PDS5B: variants seen among roughly 807,000 people sequenced by gnomAD.
PDS5B encodes the protein sister chromatid cohesion protein PDS5 homolog B.
In PDS5B, 51 loss-of-function variants were observed where a neutral mutation model predicts 184.1. The ratio of observed to expected loss-of-function variants is 0.28; its 90% CI spans 0.22 to 0.35. PDS5B has a LOEUF of 0.35. PDS5B is among the 10% of genes least tolerant of loss of function. The pLI is 1.00. For missense variants in PDS5B, 1,180 were observed against 1,723.3 expected (o/e 0.68, Z 5.58); for synonymous variants, 566 against 569.2 (o/e 0.99, Z 0.08).
At chr13:32,704,720 G>A (rs541105333) in intron 17 of PDS5B, among the ~76,000 whole-genome samples, 15 of 152,196 alleles carry the variant, frequency 9.9e-5, no homozygotes, top group African/African-American at 3.1e-4. Flanking sequence ...CCCTCCTTCC[G>A]TAAAATTTAT....
chr13:32,622,946 G>C (rs945962873), intron 1 of PDS5B, among the ~76,000 whole-genome samples: 4 of 152,204 alleles, frequency 2.6e-5, no homozygotes, highest in East Asian at 3.8e-4. Flanking sequence ...AGGGGAATGG[G>C]AGATAGTTCT....
chr13:32,775,094 A>C lies in PDS5B; in HGVS notation c.*42A>C. ...ACTTTCTCTGTGAAAGCTTTGGAAA[A>C]ATCTTTTTTTTTTTTTTTGGTCAAG... On this transcript the variant is annotated 3_prime_UTR_variant, in exon 35 of 35. Transcript: ENST00000315596. 3.3e-6 allele frequency: 2 copies of C among 597,310 alleles called. No individual in the cohort carries two copies. The highest frequency in any genetic ancestry group is 4.7e-6 in the Non-Finnish European group (2 of 424,756). The allele number at this position is 597,310 out of a possible 1,614,324, so 37.0% of individuals were successfully genotyped here.
At chr13:32,671,000 A>T (rs1368078784) in intron 7 of PDS5B, among the ~76,000 whole-genome samples, 1 of 152,248 alleles carries the variant, frequency 6.6e-6, no homozygotes, top group Non-Finnish European at 1.5e-5. Flanking sequence ...GTAATTAGCT[A>T]CGCTTTTGTA....
chr13:32,634,594 T>TG (rs2058509744), intron 1 of PDS5B, among the ~76,000 whole-genome samples: 1 of 151,802 alleles, frequency 6.6e-6, no homozygotes, highest in Non-Finnish European at 1.5e-5. Flanking sequence ...TTTTTTTTTT[T>TG]TTTTTTGAGA....
At chr13:32,766,543 A>G (rs927279537) in intron 31 of PDS5B, among the ~76,000 whole-genome samples, 1 of 152,180 alleles carries the variant, frequency 6.6e-6, no homozygotes, top group African/African-American at 2.4e-5. Context: ...AGAGATGAGT[A>G]TTATGAGACA....
intron 1 of PDS5B, among the ~76,000 whole-genome samples, chr13:32,621,466 C>CA (rs1485182078): frequency 4.0e-5 from 6 of 151,004 alleles, no homozygotes; most frequent in Admixed American, 6.6e-5. Flanking sequence ...GACCCTGTCT[C>CA]AAAAAAAAGA....
Position 32,766,333 on chromosome 13 carries a change from T to G in PDS5B, c.3624+1739T>G, listed in dbSNP as rs1954586959. Among the ~76,000 whole-genome samples, 3 of 152,334 alleles carry G rather than the reference T, an allele frequency of 2.0e-5. 1 individual carries two copies. In the Middle Eastern group the frequency reaches 0.01, roughly 518 times the overall value. ...TAAATTTTGCATCTGCTTTTACCTT[T>G]TGGGATAGTACAGAACAAAGTCTAC... On this transcript the variant is annotated intron_variant, in intron 31 of 34. Transcript: ENST00000315596.
At chr13:32,722,572 CT>C (rs1952755930) in intron 19 of PDS5B, among the ~76,000 whole-genome samples, 1 of 149,654 alleles carries the variant, frequency 6.7e-6, no homozygotes, top group African/African-American at 2.6e-5. Flanking sequence ...TAAGTTTACT[CT>C]ATGATGTTCT....
intron 19 of PDS5B, among the ~76,000 whole-genome samples, chr13:32,731,400 C>T (rs962603357): frequency 6.6e-6 from 1 of 152,218 alleles, no homozygotes; most frequent in South Asian, 2.1e-4. Context: ...TTACTCAGTA[C>T]CTCCCTCAGA....
At chr13:32,600,012 A>T (rs1018612029) in intron 1 of PDS5B, among the ~76,000 whole-genome samples, 2 of 152,088 alleles carry the variant, frequency 1.3e-5, no homozygotes, top group African/African-American at 2.4e-5. Context: ...GTCCATGAGT[A>T]TGTATTAATT....
intron 21 of PDS5B, among the ~76,000 whole-genome samples, 186 bp downstream of exon 21, chr13:32,735,516 G>A (rs1234409385): frequency 6.6e-6 from 1 of 152,058 alleles, no homozygotes; most frequent in South Asian, 2.1e-4. Context: ...CATCTTTTTA[G>A]TTGAGAATAG....
At chr13:32,642,688 ACTTC>A (rs1232477184) in intron 1 of PDS5B, among the ~76,000 whole-genome samples, 1 of 151,774 alleles carries the variant, frequency 6.6e-6, no homozygotes, top group Non-Finnish European at 1.5e-5. Context: ...AGCTCCCTTT[ACTTC>A]CTTCCACCTT....
intron 19 of PDS5B, among the ~76,000 whole-genome samples, chr13:32,716,062 A>C: frequency 6.6e-6 from 1 of 151,460 alleles, no homozygotes; most frequent in Non-Finnish European, 1.5e-5. Context: ...CGAGAGTTGC[A>C]GCCTCTGCCC....
chr13:32,655,778 C>T (rs1174252217), intron 3 of PDS5B, among the ~76,000 whole-genome samples: 1 of 152,116 alleles, frequency 6.6e-6, no homozygotes, highest in Non-Finnish European at 1.5e-5. Context: ...TTCTCCCATT[C>T]TGTAGGTTGT....
At chr13:32,748,465 T>C (rs888015528) in intron 24 of PDS5B, among the ~76,000 whole-genome samples, 12 of 43,070 alleles carry the variant, frequency 2.8e-4, no homozygotes, top group African/African-American at 1.1e-3. Flanking sequence ...GCTCTTCCTC[T>C]TTTTTTTTTT....
intron 13 of PDS5B, chr13:32,690,002 C>G (rs1333864404): frequency 1.3e-5 from 2 of 151,814 alleles, no homozygotes; most frequent in Non-Finnish European, 2.9e-5. Flanking sequence ...TTTGCCAGTC[C>G]TACTTGAAAA....
intron 1 of PDS5B, among the ~76,000 whole-genome samples, chr13:32,592,662 C>G (rs2057795468): frequency 6.6e-6 from 1 of 152,086 alleles, no homozygotes; most frequent in African/African-American, 2.4e-5. Context: ...TAGGTCAAGT[C>G]TTTATAGCTG....
chr13:32,744,904 T>A (rs1172272801), intron 23 of PDS5B, among the ~76,000 whole-genome samples: 1 of 152,164 alleles, frequency 6.6e-6, no homozygotes, highest in Non-Finnish European at 1.5e-5. Context: ...ACAATAGACA[T>A]AGATTTGTTG....
chr13:32,744,564 T>A (rs1455457152), intron 23 of PDS5B, among the ~76,000 whole-genome samples: 9 of 152,158 alleles, frequency 5.9e-5, no homozygotes, highest in Admixed American at 2.6e-4. Flanking sequence ...CAAAAAAAGT[T>A]TACGAGGTTA....
Sources: allele counts gnomAD v4.1 joint callset (sites outside exome capture counted in the v4.1 genomes callset), GRCh38; gene constraint gnomAD v4.1.1; transcripts MANE v1.5; gene names NCBI Gene and HGNC (gene_info 2026-07-23, HGNC 2026-07-21).